Variants in ERGIC1 observed in about 807,000 individuals in gnomAD.
The protein encoded by ERGIC1 is endoplasmic reticulum-golgi intermediate compartment 1.
In ERGIC1, 19 loss-of-function variants were observed where a neutral mutation model predicts 38.3. That is an observed-to-expected ratio of 0.50 (90% CI 0.35 to 0.73). The LOEUF (loss-of-function observed/expected upper bound fraction) is 0.73, where lower values mean the gene tolerates loss of function less well. ERGIC1 is among the 30% of genes least tolerant of loss of function. The pLI is 0.01. For synonymous variants in ERGIC1, 124 were observed against 157.6 expected (o/e 0.79, Z 1.60); for missense variants, 294 against 389.2 (o/e 0.76, Z 2.06).
intron 1 of ERGIC1, among the ~76,000 whole-genome samples, chr5:172,855,077 A>G (rs553477290): frequency 2.0e-4 from 31 of 152,202 alleles, no homozygotes; most frequent in African/African-American, 7.5e-4. Context: ...TCCTTCAGAC[A>G]CCTACCTGGG....
At chr5:172,844,819 T>C (rs792974) in intron 1 of ERGIC1, among the ~76,000 whole-genome samples, 147,350 of 152,292 alleles carry the variant, frequency 0.97, 71,451 homozygotes, top group East Asian at 1. Context: ...GCCCAGGTCC[T>C]TTTGGAGTGA....
chr5:172,915,191 G>C, intron 5 of ERGIC1: 1 of 614,350 alleles, frequency 1.6e-6, no homozygotes. Flanking sequence ...TAGGCTGAGG[G>C]TGTGATGGCG....
At chr5:172,896,738 G>A (rs567827942) in intron 2 of ERGIC1, among the ~76,000 whole-genome samples, 2 of 152,356 alleles carry the variant, frequency 1.3e-5, no homozygotes, top group South Asian at 4.1e-4. Context: ...GCATTAAAGA[G>A]CTCTCCTGGA....
At chr5:172,857,135 C>T (rs1761569265) in intron 1 of ERGIC1, among the ~76,000 whole-genome samples, 1 of 152,180 alleles carries the variant, frequency 6.6e-6, no homozygotes, top group Admixed American at 6.5e-5. Context: ...AGACTGGCCA[C>T]CATGTTTTAT....
At chr5:172,925,130 C>G (rs1763622149) in intron 6 of ERGIC1, among the ~76,000 whole-genome samples, 1 of 152,058 alleles carries the variant, frequency 6.6e-6, no homozygotes, top group East Asian at 1.9e-4. Flanking sequence ...CCCAGCTACT[C>G]AGGAGGCTGA....
At chr5:172,881,659 G>T (rs542916101) in intron 1 of ERGIC1, among the ~76,000 whole-genome samples, 2 of 152,308 alleles carry the variant, frequency 1.3e-5, no homozygotes, top group East Asian at 3.9e-4. Flanking sequence ...CCCACACTGT[G>T]GGGGAAAAGC....
intron 1 of ERGIC1, among the ~76,000 whole-genome samples, chr5:172,841,153 C>A (rs1761149511): frequency 6.6e-6 from 1 of 152,142 alleles, no homozygotes; most frequent in Admixed American, 6.5e-5. Context: ...ACTTTTAGGT[C>A]TATTAACTTA....
At chr5:172,874,885 A>G (rs1295127034) in intron 1 of ERGIC1, among the ~76,000 whole-genome samples, 1 of 150,570 alleles carries the variant, frequency 6.6e-6, no homozygotes, top group Admixed American at 6.6e-5. Flanking sequence ...TGATCGCGCC[A>G]CTGCACTCCA....
rs527968371 is a variant in ERGIC1, at chr5:172,919,790, C to T, written c.376-4215C>T. Among the ~76,000 whole-genome samples the T allele has an allele frequency of 1.5e-3, 236 of 152,324 alleles. 1 individual carries two copies. The highest frequency in any genetic ancestry group is 5.1e-3 in the African/African-American group (213 of 41,566). On this transcript the variant is annotated intron_variant, in intron 5 of 9. Coordinates refer to ENST00000393784, the MANE Select transcript of ERGIC1 (RefSeq NM_001031711.3). ...TCAGCTGGCACCCACCTTACAAGTGCGCCTGTGGAAGGCACATGGAGGGCG... is the reference window on the plus strand; with the variant it reads ...TCAGCTGGCACCCACCTTACAAGTGTGCCTGTGGAAGGCACATGGAGGGCG...
intron 2 of ERGIC1, among the ~76,000 whole-genome samples, chr5:172,894,429 C>T (rs1298272601): frequency 1.3e-5 from 2 of 151,758 alleles, no homozygotes; most frequent in African/African-American, 2.4e-5. Context: ...CTCTTGACTT[C>T]GTGATCCGCC....
intron 2 of ERGIC1, among the ~76,000 whole-genome samples, chr5:172,891,993 T>C (rs1027710479): frequency 3.3e-5 from 5 of 152,218 alleles, no homozygotes; most frequent in Non-Finnish European, 7.3e-5. Context: ...CCATATCTTT[T>C]TGTATCCTTG....
At chr5:172,934,232 G>C (rs1763839603) in intron 8 of ERGIC1, 1 of 152,502 alleles carries the variant, frequency 6.6e-6, no homozygotes, top group Admixed American at 6.5e-5. Context: ...AGCATGTGGG[G>C]TTGGGGGTAC....
chr5:172,920,837 G>A (rs1050980638), intron 5 of ERGIC1, among the ~76,000 whole-genome samples: 3 of 152,228 alleles, frequency 2.0e-5, no homozygotes, highest in African/African-American at 7.2e-5. Flanking sequence ...GAGGACACAC[G>A]CCTTATGGCT....
intron 5 of ERGIC1, among the ~76,000 whole-genome samples, chr5:172,919,801 G>T (rs1763463225): frequency 6.6e-6 from 1 of 152,172 alleles, no homozygotes; most frequent in African/African-American, 2.4e-5. Context: ...GCCTGTGGAA[G>T]GCACATGGAG....
intron 1 of ERGIC1, among the ~76,000 whole-genome samples, chr5:172,881,377 T>C (rs1363462425): frequency 6.6e-6 from 1 of 152,200 alleles, no homozygotes; most frequent in East Asian, 1.9e-4. Context: ...TGTTTAAGGC[T>C]ATCCAGTGGG....
chr5:172,915,208 G>A (rs1473785490), intron 5 of ERGIC1: 1 of 605,566 alleles, frequency 1.7e-6, no homozygotes, highest in East Asian at 2.8e-5. Context: ...GGCGATAATA[G>A]TATCACGATA....
chr5:172,851,541 A>G (rs967625022), intron 1 of ERGIC1, among the ~76,000 whole-genome samples: 1 of 152,236 alleles, frequency 6.6e-6, no homozygotes, highest in African/African-American at 2.4e-5. Flanking sequence ...TTTCCAATGC[A>G]TCTGGAAAAA....
At chr5:172,912,849 A>G (rs2113395786) in intron 4 of ERGIC1, among the ~76,000 whole-genome samples, 1 of 148,850 alleles carries the variant, frequency 6.7e-6, no homozygotes, top group Admixed American at 6.7e-5. Flanking sequence ...GCTCACTGCA[A>G]CCTCCACCTC....
At chr5:172,932,579 C>G in intron 8 of ERGIC1, 43 bp downstream of exon 8, 1 of 1,586,002 alleles carries the variant, frequency 6.3e-7, no homozygotes, top group Non-Finnish European at 8.6e-7. Flanking sequence ...CGGCGGCGCC[C>G]TCTGCTGACG....
Sources: gnomAD v4.1 joint callset for allele counts (sites outside exome capture counted in the v4.1 genomes callset) on GRCh38, gnomAD v4.1.1 for gene constraint, MANE v1.5 for transcripts, NCBI Gene and HGNC (gene_info 2026-07-23, HGNC 2026-07-21) for gene names.